Variants in SND1 observed in about 807,000 individuals in gnomAD.
SND1 encodes the protein staphylococcal nuclease domain-containing protein 1.
Under a neutral mutation model 121.7 loss-of-function variants are expected in SND1, and 38 were observed. The observed-to-expected ratio is 0.31, with a 90% CI of 0.24 to 0.41. The LOEUF is 0.41. SND1 is among the 10% of genes least tolerant of loss of function. The probability of loss-of-function intolerance (pLI) is 1.00; values close to 1 mark genes in which losing one functional copy is unlikely to be tolerated. For missense variants in SND1, 868 were observed against 1,184.6 expected, an observed-to-expected ratio of 0.73 and a Z score of 3.92; for synonymous variants, 401 against 447.4, an observed-to-expected ratio of 0.90 and a Z score of 1.31.
chr7:127,891,721 T>A (rs986063513), intron 13 of SND1, among the ~76,000 whole-genome samples: 1 of 152,122 alleles, frequency 6.6e-6, no homozygotes, highest in Non-Finnish European at 1.5e-5. Context: ...CAAGAATGGC[T>A]TTGGTGTTGA....
chr7:127,987,095 A>G (rs1461555837), intron 15 of SND1, among the ~76,000 whole-genome samples: 2 of 152,224 alleles, frequency 1.3e-5, no homozygotes, highest in Non-Finnish European at 2.9e-5. Context: ...GGTAACATGC[A>G]GGATCCAGCC....
At chr7:128,033,492 G>A (rs569424654) in intron 16 of SND1, among the ~76,000 whole-genome samples, 1 of 152,200 alleles carries the variant, frequency 6.6e-6, no homozygotes, top group South Asian at 2.1e-4. Context: ...TTAAGAACGA[G>A]GAGGTCCCAG....
chr7:127,892,606 C>T (rs575912726), intron 13 of SND1, among the ~76,000 whole-genome samples: 28 of 152,256 alleles, frequency 1.8e-4, no homozygotes, highest in Non-Finnish European at 3.1e-4. Flanking sequence ...GCCTTCTGGC[C>T]TTCCTTTCCA....
intron 10 of SND1, among the ~76,000 whole-genome samples, chr7:127,769,517 C>A (rs918010256): frequency 6.6e-6 from 1 of 152,158 alleles, no homozygotes; most frequent in Non-Finnish European, 1.5e-5. Context: ...ATTCTGGTCA[C>A]CTCTTTTTCT....
intron 15 of SND1, among the ~76,000 whole-genome samples, chr7:127,945,936 C>T (rs1801319437): frequency 6.6e-6 from 1 of 152,222 alleles, no homozygotes; most frequent in African/African-American, 2.4e-5. Context: ...TTGATCTCCT[C>T]ATTTAGAACG....
rs1306770699 is a variant in SND1 at position 127,931,466 on chromosome 7, A to G, written c.1669+2137A>G. The stretch of plus-strand genomic sequence containing the variant: ...AGGTTTAAGGAGAGAAGCCATCTTC[A>G]TAACATAAAAGTACAGGGTGAAGCA... On this transcript the variant is annotated intron_variant, in intron 15 of 23. Transcript: ENST00000354725. Among the ~76,000 whole-genome samples, 7 of 152,352 alleles carry G rather than the reference A, an allele frequency of 4.6e-5. No homozygotes were observed. In the East Asian group the frequency reaches 7.7e-4, roughly 17 times the overall value.
intron 10 of SND1, among the ~76,000 whole-genome samples, chr7:127,764,667 T>C (rs1415266631): frequency 6.6e-6 from 1 of 152,242 alleles, no homozygotes; most frequent in African/African-American, 2.4e-5. Context: ...TCTTTTTAAA[T>C]TTCCCATTTG....
intron 16 of SND1, among the ~76,000 whole-genome samples, chr7:128,044,983 G>A (rs547341506): frequency 6.6e-6 from 1 of 152,224 alleles, no homozygotes; most frequent in South Asian, 2.1e-4. Flanking sequence ...AGATTACAGG[G>A]TCTGTCTGAT....
At chr7:128,004,383 G>A (rs1802910732) in intron 16 of SND1, among the ~76,000 whole-genome samples, 1 of 152,138 alleles carries the variant, frequency 6.6e-6, no homozygotes, top group Non-Finnish European at 1.5e-5. Flanking sequence ...CCTGAAGAGG[G>A]ACCTCTGGTC....
At chr7:127,843,356 T>G (rs1166815484) in intron 11 of SND1, among the ~76,000 whole-genome samples, 2 of 152,196 alleles carry the variant, frequency 1.3e-5, no homozygotes, top group East Asian at 3.8e-4. Context: ...AATAGTTTCA[T>G]TACGCTAAAA....
intron 21 of SND1, among the ~76,000 whole-genome samples, chr7:128,089,157 C>T (rs750674832): frequency 5.9e-5 from 9 of 152,096 alleles, no homozygotes; most frequent in Non-Finnish European, 1.3e-4. Context: ...TAGCTTCAAG[C>T]GATTCTCGTG....
At chr7:128,000,110 A>G (rs560882162) in intron 16 of SND1, 1 of 151,352 alleles carries the variant, frequency 6.6e-6, no homozygotes, top group African/African-American at 2.4e-5. Context: ...GTGGAAGCTA[A>G]TATTTTTAAT....
chr7:127,738,892 C>T (rs919226033), intron 10 of SND1, among the ~76,000 whole-genome samples: 6 of 152,190 alleles, frequency 3.9e-5, no homozygotes, highest in Non-Finnish European at 8.8e-5. Flanking sequence ...TGAATACTTT[C>T]CCCCTGTTCC....
chr7:127,706,317 C>T (rs1183666709), intron 8 of SND1, among the ~76,000 whole-genome samples: 1 of 125,156 alleles, frequency 8.0e-6, no homozygotes, highest in African/African-American at 3.0e-5. Context: ...AGTGCAGTGG[C>T]ACGATCTCCA....
intron 15 of SND1, among the ~76,000 whole-genome samples, chr7:127,963,011 A>G (rs913387979): frequency 6.6e-6 from 1 of 152,188 alleles, no homozygotes; most frequent in African/African-American, 2.4e-5. Flanking sequence ...AGTCAAATCA[A>G]CAATTACTTT....
chr7:127,751,630 C>T (rs1797098798), intron 10 of SND1, among the ~76,000 whole-genome samples: 3 of 152,306 alleles, frequency 2.0e-5, no homozygotes, highest in Non-Finnish European at 4.4e-5. Flanking sequence ...GCCTCAGTGT[C>T]CTCATTTGTT....
intron 11 of SND1, among the ~76,000 whole-genome samples, chr7:127,808,944 G>C (rs886927894): frequency 6.6e-6 from 1 of 152,222 alleles, no homozygotes; most frequent in African/African-American, 2.4e-5. Flanking sequence ...ATTGAAAGGA[G>C]TGGCAGCACA....
chr7:128,010,054 T>G (rs1344516054), intron 16 of SND1, among the ~76,000 whole-genome samples: 1 of 152,198 alleles, frequency 6.6e-6, no homozygotes, highest in African/African-American at 2.4e-5. Flanking sequence ...AACATCTGAT[T>G]AAGTTGCTGA....
intron 15 of SND1, among the ~76,000 whole-genome samples, chr7:127,975,386 T>C (rs1802092671): frequency 1.3e-5 from 1 of 76,294 alleles, no homozygotes; most frequent in African/African-American, 8.2e-5. Flanking sequence ...ACTCCCCTCG[T>C]GTGTGTGTGT....
Sources: allele counts gnomAD v4.1 joint callset (sites outside exome capture counted in the v4.1 genomes callset), GRCh38; gene constraint gnomAD v4.1.1; transcripts MANE v1.5; gene names NCBI Gene and HGNC (gene_info 2026-07-23, HGNC 2026-07-21).